C3orf52: variants seen among roughly 807,000 people sequenced by gnomAD.
The protein encoded by C3orf52 is chromosome 3 open reading frame 52, also known as TPA-induced transmembrane protein.
A neutral mutation model predicts 24.8 loss-of-function variants in C3orf52; 22 were observed. The ratio of observed to expected loss-of-function variants is 0.89; its 90% CI spans 0.63 to 1.27. The LOEUF (loss-of-function observed/expected upper bound fraction) is 1.27, where lower values mean the gene tolerates loss of function less well. C3orf52 is among the 50% of genes most tolerant of loss of function. The pLI, the probability that C3orf52 is intolerant of heterozygous loss-of-function variation, is 0.00. For missense variants in C3orf52, 265 were observed against 260.7 expected, an observed-to-expected ratio of 1.02 and a Z score of -0.11; for synonymous variants, 93 against 100.2, an observed-to-expected ratio of 0.93 and a Z score of 0.43.
At position 112,113,101 on chromosome 3, in the gene C3orf52, G is replaced by T. The variant is rs1346901566; in HGVS notation, c.605G>T (p.Gly202Val). ...LQDFRDQNIP[G>V]CESLGLDPTS... Reference sequence around the variant, plus strand: ...GATTTCCGTGATCAGAATATACCTGGTTGTGAGAGTCTGGGGCTTGATCCA... The same window carrying T: ...GATTTCCGTGATCAGAATATACCTGTTTGTGAGAGTCTGGGGCTTGATCCA... The change falls in exon 5 of 6, where the codon GGT becomes GTT. Residue 202 changes from glycine (G) to valine (V), a missense_variant. Coordinates refer to ENST00000264848, the MANE Select transcript of C3orf52 (RefSeq NM_024616.3). 6.2e-7 allele frequency: 1 copy of T among 1,611,502 alleles called. No homozygotes were observed. The highest frequency in any genetic ancestry group is 1.3e-5 in the African/African-American group (1 of 74,992).
At chr3:112,095,487 A>G (rs761412688) in intron 2 of C3orf52, among the ~76,000 whole-genome samples, 6 of 152,166 alleles carry the variant, frequency 3.9e-5, no homozygotes, top group Non-Finnish European at 7.3e-5. Context: ...CCATTCTCAA[A>G]AAGTCATCTA....
chr3:112,097,881 T>G (rs1382709176), intron 2 of C3orf52, among the ~76,000 whole-genome samples: 1 of 152,210 alleles, frequency 6.6e-6, no homozygotes, highest in Non-Finnish European at 1.5e-5. Flanking sequence ...CTCAGGTTCT[T>G]CTTAATTTAT....
downstream of C3orf52, among the ~76,000 whole-genome samples, chr3:112,120,672 G>A (rs2074179316): frequency 6.6e-6 from 1 of 152,140 alleles, no homozygotes; most frequent in African/African-American, 2.4e-5. Context: ...CTTTATCAGG[G>A]ACAGGGACTC....
intron 2 of C3orf52, among the ~76,000 whole-genome samples, chr3:112,094,627 G>C (rs1395850580): frequency 6.6e-6 from 1 of 152,054 alleles, no homozygotes; most frequent in Non-Finnish European, 1.5e-5. Flanking sequence ...AAAATTATTT[G>C]TGAACATTAT....
In C3orf52 at chr3:112,112,992, C is replaced by G. The variant is rs534357901; in HGVS notation, c.496C>G (p.Leu166Val). 22 of 1,608,166 alleles carry G rather than the reference C, an allele frequency of 1.4e-5. No homozygotes were observed. The South Asian group carries it at 2.3e-4, about 17-fold the overall frequency. ...SGENATVTYD[L>V]QFGVPSDDEN... is the part of the protein sequence containing the mutation. ...TGAAAATGCCACAGTAACGTATGAC[C>G]TGCAATTTGGGGTTCCATCAGATGA... is the stretch of plus-strand genomic sequence containing the variant. Residue 166 changes from leucine (L) to valine (V), a missense_variant, in exon 5 of 6, where the codon CTG (leucine) becomes GTG (valine). Leu to Val is a conservative substitution (Grantham distance 32, BLOSUM62 1). Coordinates refer to ENST00000264848, the MANE Select transcript of C3orf52 (RefSeq NM_024616.3).
At chr3:112,090,143 A>T (rs2073864089) in intron 1 of C3orf52, among the ~76,000 whole-genome samples, 1 of 152,162 alleles carries the variant, frequency 6.6e-6, no homozygotes, top group South Asian at 2.1e-4. Context: ...ACTGTGTCAC[A>T]GGCTCTTCAC....
chr3:112,124,505 A>G (rs2074266321), intron 4 of C3orf52, among the ~76,000 whole-genome samples: 1 of 152,134 alleles, frequency 6.6e-6, no homozygotes, highest in Admixed American at 6.5e-5. Context: ...GCTACTGGGG[A>G]GGCTGAGGCT....
chr3:112,100,879 G>A (rs1348592349), intron 2 of C3orf52, among the ~76,000 whole-genome samples: 1 of 152,122 alleles, frequency 6.6e-6, no homozygotes, highest in Non-Finnish European at 1.5e-5. Context: ...GGATAAGTAA[G>A]CAATAATGGC....
At chr3:112,112,759 G>A (rs2074095911) in intron 4 of C3orf52, 1 of 622,796 alleles carries the variant, frequency 1.6e-6, no homozygotes, top group Non-Finnish European at 3.0e-6. Flanking sequence ...GGAAGGAGGA[G>A]GTTAGGATCA....
chr3:112,119,570 T>C (rs1559978240), downstream of C3orf52: 2 of 702,008 alleles, frequency 2.8e-6, no homozygotes, highest in African/African-American at 3.5e-5. Flanking sequence ...GAGGTACATA[T>C]TCTCTCTTTT....
intron 1 of C3orf52, among the ~76,000 whole-genome samples, chr3:112,092,064 C>T (rs147413576): frequency 3.3e-5 from 5 of 151,164 alleles, no homozygotes; most frequent in South Asian, 2.1e-4. Context: ...GGCCAGGTGT[C>T]GGTCAGGAGC....
At chr3:112,122,314 A>C (rs2074216037), downstream of C3orf52, 1 of 152,208 alleles carries the variant, frequency 6.6e-6, no homozygotes, top group Admixed American at 6.5e-5. Flanking sequence ...CCCATGGTTG[A>C]ACAATCATAG....
At chr3:112,096,676 G>C (rs570266005) in intron 2 of C3orf52, among the ~76,000 whole-genome samples, 85 of 152,200 alleles carry the variant, frequency 5.6e-4, no homozygotes, top group Non-Finnish European at 1.0e-3. Context: ...ACAGAAAGTT[G>C]GGGAGGGGAC....
intron 4 of C3orf52, chr3:112,128,011 A>C: frequency 1.2e-6 from 2 of 1,612,776 alleles, no homozygotes; most frequent in Non-Finnish European, 8.5e-7. Flanking sequence ...ACAACTGTCC[A>C]CTCACCATGG....
At chr3:112,135,460 T>G (rs1351456416), downstream of C3orf52, 1 of 152,500 alleles carries the variant, frequency 6.6e-6, no homozygotes, top group Non-Finnish European at 1.5e-5. Flanking sequence ...GAAACTAGGG[T>G]ACTAGCTGTG....
rs147855189 is a variant in C3orf52, at chr3:112,125,234, G to T, written c.*47-2999G>T. Reference sequence around the variant, plus strand: ...AGAGATGTTCTTATTACCTGGATGGGAGTAGATGACATTCTTTCATCTGGA... The same window carrying T: ...AGAGATGTTCTTATTACCTGGATGGTAGTAGATGACATTCTTTCATCTGGA... On this transcript the variant is annotated intron_variant, in intron 4 of 4. Transcript: ENST00000480282. 8.9e-5 allele frequency: 140 copies of T among 1,576,320 alleles called. No individual in the cohort carries two copies. The highest frequency in any genetic ancestry group is 1.2e-4 in the Non-Finnish European group (136 of 1,145,854).
At chr3:112,087,964 C>T (rs2073844704) in intron 1 of C3orf52, among the ~76,000 whole-genome samples, 1 of 152,232 alleles carries the variant, frequency 6.6e-6, no homozygotes, top group Non-Finnish European at 1.5e-5. Flanking sequence ...CTGGGAATGC[C>T]TTGTTGAAAA....
At position 112,128,331 on chromosome 3, in the gene C3orf52, TCCTTGGTTC is replaced by T. The variant is rs964659045; in HGVS notation, c.*151_*159del. ...TTCCTCACTCTCAATTCTGGTAATT[TCCTTGGTTC>T]CCTTGTAATGAAGAACACGTAAGTG... On this transcript the variant is annotated 3_prime_UTR_variant, in exon 5 of 5. Transcript: ENST00000480282. 51 of 614,284 alleles carry T rather than the reference TCCTTGGTTC, an allele frequency of 8.3e-5. No individual in the cohort carries two copies. In the Middle Eastern group the frequency reaches 1.7e-3, roughly 21 times the overall value. The allele number at this position is 614,284 out of a possible 1,614,324, so 38.1% of individuals were successfully genotyped here. A position where few individuals can be genotyped will look rare whatever the true frequency, so the allele number is the denominator to read the frequency against.
At chr3:112,123,400 C>T in intron 4 of C3orf52, 5 of 1,575,236 alleles carry the variant, frequency 3.2e-6, no homozygotes, top group Non-Finnish European at 4.3e-6. Flanking sequence ...CAGGCAGATC[C>T]CCCATCCCAC....
Sources: gnomAD v4.1 joint callset for allele counts (sites outside exome capture counted in the v4.1 genomes callset) on GRCh38, gnomAD v4.1.1 for gene constraint, MANE v1.5 for transcripts, NCBI Gene and HGNC (gene_info 2026-07-23, HGNC 2026-07-21) for gene names.